Variants in PSD4 observed in about 807,000 individuals in gnomAD.
The protein encoded by PSD4 is pleckstrin and Sec7 domain containing 4.
In PSD4, 59 loss-of-function variants were observed where a neutral mutation model predicts 112.5. The observed-to-expected ratio is 0.52, with a 90% confidence interval of 0.43 to 0.65. The LOEUF is 0.65. Among genes scored for constraint, PSD4 ranks in the 30% least tolerant of loss-of-function variants. The pLI, the probability that PSD4 is intolerant of heterozygous loss-of-function variation, is 0.00. For missense variants in PSD4, 1,267 were observed against 1,352.6 expected (o/e 0.94, Z 0.99); for synonymous variants, 533 against 540.0 (o/e 0.99, Z 0.18).
At chr2:113,188,745 TAA>T (rs1255530809) in intron 5 of PSD4, among the ~76,000 whole-genome samples, 1 of 152,080 alleles carries the variant, frequency 6.6e-6, no homozygotes, top group South Asian at 2.1e-4. Flanking sequence ...TGCGCCCGGC[TAA>T]TTTTTTGTAT....
At chr2:113,185,649 C>T in intron 4 of PSD4, 1 of 1,547,668 alleles carries the variant, frequency 6.5e-7, no homozygotes, top group Non-Finnish European at 8.7e-7. Context: ...ACCGCTGGGT[C>T]TTAATGGTTT....
chr2:113,196,363 G>T (rs1350003304), intron 12 of PSD4, 56 bp downstream of exon 12: 7 of 1,558,608 alleles, frequency 4.5e-6, no homozygotes, highest in South Asian at 1.2e-5. Context: ...CCTGCTCAGG[G>T]ACCTGTGCCG....
chr2:113,199,278 C>T lies in PSD4; in HGVS notation c.2913+52C>T, dbSNP rs571004218. On this transcript the variant is annotated intron_variant, in intron 16 of 16. Transcript: ENST00000245796. ...CGCTGCGCAGCGCCCTCTCCGCCCTCTCGTGGCCGCCTCGGTCCCTGCAGC... is the reference window on the plus strand; with the variant it reads ...CGCTGCGCAGCGCCCTCTCCGCCCTTTCGTGGCCGCCTCGGTCCCTGCAGC... 2.2e-6 allele frequency: 3 copies of T among 1,388,748 alleles called. No individual in the cohort carries two copies. In the African/African-American group the frequency reaches 4.6e-5, roughly 21 times the overall value. 86.0% of individuals were successfully genotyped at this position (1,388,748 alleles called of 1,614,324 possible). A position where few individuals can be genotyped will look rare whatever the true frequency, so the allele number is the denominator to read the frequency against.
Position 113,202,544 on chromosome 2 carries a change from C to G in PSD4, c.*1129C>G, listed in dbSNP as rs1688801841. 1 of 152,600 alleles carries G rather than the reference C, an allele frequency of 6.6e-6. No individual in the cohort carries two copies. Among genetic ancestry groups the G allele is most frequent in the Non-Finnish European group, 1.5e-5 (1 of 68,286 alleles). The allele number at this position is 152,600 out of a possible 1,614,324, so 9.5% of individuals were successfully genotyped here. On this transcript the variant is annotated 3_prime_UTR_variant, in exon 17 of 17. Coordinates refer to ENST00000245796, the MANE Select transcript of PSD4 (RefSeq NM_012455.3). Reference sequence around the variant, plus strand: ...CCCCTGGGAAATCCCCTCATCCTGCCCTCTGGCTGCCTCCCAGCTGGGCTT... The same window carrying G: ...CCCCTGGGAAATCCCCTCATCCTGCGCTCTGGCTGCCTCCCAGCTGGGCTT...
Position 113,182,351 on chromosome 2 carries a change from A to G in PSD4, c.-106A>G. On this transcript the variant is annotated 5_prime_UTR_variant, in exon 2 of 17. Transcript: ENST00000245796. ...CTTGCTTTGGGCATTTCCAGGGTAG[A>G]TATGGATTCCCAGTTTCTCCAGCGG... 1 of 1,118,800 alleles carries G rather than the reference A, an allele frequency of 8.9e-7. No individual in the cohort carries two copies. The highest frequency in any genetic ancestry group is 1.3e-6 in the Non-Finnish European group (1 of 780,220). The allele number at this position is 1,118,800 out of a possible 1,614,324, so 69.3% of individuals were successfully genotyped here.
At chr2:113,191,520 C>T (rs7579305) in intron 5 of PSD4, among the ~76,000 whole-genome samples, 133,048 of 152,210 alleles carry the variant, frequency 0.87, 59,380 homozygotes, top group Non-Finnish European at 0.97. Context: ...GATCCACTTG[C>T]CTTGGCCTCC....
rs1688204995 is a variant in PSD4, at chr2:113,183,362, T to C, written c.906T>C (p.Ser302=). The change falls in exon 2 of 17, where the codon AGT becomes AGC. Residue 302 remains serine (S), a synonymous_variant. Transcript: ENST00000245796. ...PEDTVLWELE[S]EPDLGDGAAI... ...ACACAGTGCTGTGGGAGCTGGAAAG[T>C]GAGCCAGATTTGGGGGACGGCGCTG... is the stretch of plus-strand genomic sequence containing the variant. The C allele has an allele frequency of 1.3e-6, 2 of 1,586,074 alleles. No individual in the cohort carries two copies. The highest frequency in any genetic ancestry group is 1.7e-6 in the Non-Finnish European group (2 of 1,165,176).
rs1417913374 is a variant in PSD4, at chr2:113,205,147, T to C, written c.*3732T>C. 1.3e-5 allele frequency: 2 copies of C among 151,986 alleles called. No individual in the cohort carries two copies. The highest frequency in any genetic ancestry group is 2.4e-5 in the African/African-American group (1 of 41,416). The allele number at this position is 151,986 out of a possible 1,614,324, so 9.4% of individuals were successfully genotyped here. A position where few individuals can be genotyped will look rare whatever the true frequency, so the allele number is the denominator to read the frequency against. On this transcript the variant is annotated 3_prime_UTR_variant, in exon 17 of 17. Coordinates refer to ENST00000245796, the MANE Select transcript of PSD4 (RefSeq NM_012455.3). The stretch of plus-strand genomic sequence containing the variant: ...CATGCCCAGCTAATTTTGTATTTTT[T>C]AGTAGAGACAGGGTTTCACCATGTT...
Position 113,182,889 on chromosome 2 carries a change from A to G in PSD4, c.433A>G (p.Lys145Glu). The change falls in exon 2 of 17, where the codon AAG becomes GAG. Residue 145 changes from lysine (K) to glutamate (E), a missense_variant. Transcript: ENST00000245796. ...GAACAGCCATCTACCGGGGAGCCCA[A>G]AGCAGAACCGGAGCACGTCCACACA... The part of the protein sequence containing the change: ...PVNSHLPGSP[K>E]QNRSTSTQVV... The G allele has an allele frequency of 6.2e-7, 1 of 1,614,208 alleles. No individual in the cohort carries two copies. The highest frequency in any genetic ancestry group is 8.5e-7 in the Non-Finnish European group (1 of 1,180,032).
intron 2 of PSD4, among the ~76,000 whole-genome samples, chr2:113,183,926 A>G (rs1338686467): frequency 6.6e-6 from 1 of 152,242 alleles, no homozygotes; most frequent in Non-Finnish European, 1.5e-5. Context: ...CTTTGCCCCT[A>G]ACAGAGAGAT....
intron 5 of PSD4, among the ~76,000 whole-genome samples, chr2:113,189,578 T>C (rs1178978582): frequency 6.6e-6 from 1 of 152,204 alleles, no homozygotes; most frequent in African/African-American, 2.4e-5. Context: ...TTTAGTTCTT[T>C]AAGGAATCTC....
chr2:113,179,787 A>G (rs1688079889), intron 1 of PSD4, among the ~76,000 whole-genome samples: 3 of 152,188 alleles, frequency 2.0e-5, no homozygotes, highest in Admixed American at 2.0e-4. Context: ...AAACATAAGA[A>G]AGGGCCTCTC....
intron 16 of PSD4, among the ~76,000 whole-genome samples, chr2:113,199,820 T>TTTTTTG (rs760368672): frequency 9.2e-4 from 140 of 152,224 alleles, no homozygotes; most frequent in Non-Finnish European, 1.4e-3. Flanking sequence ...ATGACCGTGT[T>TTTTTTG]TTTTTGTTTT....
intron 3 of PSD4, 65 bp from the exon 4 acceptor site, chr2:113,185,300 C>T (rs552466587): frequency 1.3e-6 from 2 of 1,597,328 alleles, no homozygotes; most frequent in Non-Finnish European, 1.7e-6. Context: ...CCCTGCCTGG[C>T]CTCTCCCCCA....
At chr2:113,177,016 A>G (rs920995598) in intron 1 of PSD4, among the ~76,000 whole-genome samples, 1 of 152,252 alleles carries the variant, frequency 6.6e-6, no homozygotes, top group African/African-American at 2.4e-5. Flanking sequence ...TTAAACACAC[A>G]GTTACACAGT....
intron 1 of PSD4, among the ~76,000 whole-genome samples, chr2:113,181,627 TGCA>T (rs1688140823): frequency 6.6e-6 from 1 of 152,144 alleles, no homozygotes; most frequent in Non-Finnish European, 1.5e-5. Flanking sequence ...CTCCTCCCCA[TGCA>T]GCAGGCAGTC....
At chr2:113,197,091 A>G in intron 12 of PSD4, 1 of 213,212 alleles carries the variant, frequency 4.7e-6, no homozygotes, top group South Asian at 6.4e-5. Flanking sequence ...AGGTAGGGGG[A>G]AAAGAGGGCA....
chr2:113,177,572 T>G (rs1158752664), intron 1 of PSD4, among the ~76,000 whole-genome samples: 1 of 152,190 alleles, frequency 6.6e-6, no homozygotes, highest in Non-Finnish European at 1.5e-5. Flanking sequence ...CAGGGGGGCC[T>G]GAACCTCTTA....
At chr2:113,185,190 G>C (rs1414708554) in intron 3 of PSD4, 117 bp downstream of exon 3, 1 of 1,564,438 alleles carries the variant, frequency 6.4e-7, no homozygotes, top group Non-Finnish European at 8.7e-7. Flanking sequence ...TCTCACATCA[G>C]GACTCCCCTT....
Sources: allele counts gnomAD v4.1 joint callset (sites outside exome capture counted in the v4.1 genomes callset), GRCh38; gene constraint gnomAD v4.1.1; transcripts MANE v1.5; gene names NCBI Gene and HGNC (gene_info 2026-07-23, HGNC 2026-07-21).